The following SERP2 variants were observed in gnomAD, a reference collection of about 807,000 sequenced individuals.
SERP2 encodes stress-associated endoplasmic reticulum protein 2.
In SERP2, 6 loss-of-function variants were observed where a neutral mutation model predicts 9.1. That is an observed-to-expected ratio of 0.66 (90% CI 0.36 to 1.30). SERP2 has a LOEUF of 1.30. Among genes scored for constraint, SERP2 ranks in the 50% most tolerant of loss-of-function variants. The probability of loss-of-function intolerance (pLI) is 0.03; values close to 1 mark genes in which losing one functional copy is unlikely to be tolerated. For missense variants in SERP2, 58 were observed against 81.9 expected, an observed-to-expected ratio of 0.71 and a Z score of 1.13; for synonymous variants, 37 against 27.3, an observed-to-expected ratio of 1.35 and a Z score of -1.10.
Position 44,379,773 on chromosome 13 carries a change from G to A in SERP2, c.157+60G>A, listed in dbSNP as rs577938242. The A allele has an allele frequency of 8.8e-5, 101 of 1,145,816 alleles. No individual in the cohort carries two copies. The South Asian group carries it at 1.1e-3, about 13-fold the overall frequency. The allele number at this position is 1,145,816 out of a possible 1,614,324, so 71.0% of individuals were successfully genotyped here. On this transcript the variant is annotated intron_variant, in intron 2 of 2. Transcript: ENST00000379179. The stretch of plus-strand genomic sequence containing the variant: ...CTCCACTGGCCTTTGAAAAACACAC[G>A]TTTTCTTCACAAAGCAAATAGATGA...
Position 44,374,187 on chromosome 13 carries a change from C to T in SERP2, c.84+78C>T, listed in dbSNP as rs1415320512. ...GGCGGAAGGTGGGGGCGGGGCCGGG[C>T]GGGTAGCGGCGCAGGGTCCGGCCTC... On this transcript the variant is annotated intron_variant, in intron 1 of 2. Coordinates refer to ENST00000379179, the MANE Select transcript of SERP2 (RefSeq NM_001010897.3). 1.6e-5 allele frequency: 8 copies of T among 495,410 alleles called. No homozygotes were observed. The African/African-American group carries it at 1.7e-4, about 11-fold the overall frequency. The allele number at this position is 495,410 out of a possible 1,614,324, so 30.7% of individuals were successfully genotyped here.
intron 1 of SERP2, among the ~76,000 whole-genome samples, chr13:44,377,973 T>C (rs1271784222): frequency 1.3e-5 from 2 of 152,206 alleles, no homozygotes; most frequent in African/African-American, 4.8e-5. Flanking sequence ...ACATTAATTA[T>C]CACAAGAATA....
At chr13:44,383,968 A>G (rs563271935) in intron 2 of SERP2, among the ~76,000 whole-genome samples, 15 of 152,244 alleles carry the variant, frequency 9.9e-5, no homozygotes, top group Non-Finnish European at 2.1e-4. Flanking sequence ...TCTGTCTTCT[A>G]TTAACATGCT....
At chr13:44,390,563 C>T (rs374492727) in intron 2 of SERP2, 1 of 399,404 alleles carries the variant, frequency 2.5e-6, no homozygotes, top group Non-Finnish European at 5.1e-6. Flanking sequence ...TCTCATCAGC[C>T]ATCAGCTCCC....
At chr13:44,394,936 A>C (rs185481697) in intron 2 of SERP2, among the ~76,000 whole-genome samples, 1 of 152,312 alleles carries the variant, frequency 6.6e-6, no homozygotes, top group African/African-American at 2.4e-5. Flanking sequence ...AAAGGCCATG[A>C]TCCTCATTTT....
At chr13:44,385,445 C>T (rs371717205) in intron 2 of SERP2, among the ~76,000 whole-genome samples, 11 of 152,232 alleles carry the variant, frequency 7.2e-5, no homozygotes, top group South Asian at 6.2e-4. Flanking sequence ...CAGATCTGAG[C>T]GCACCCAAGC....
At chr13:44,393,483 T>C (rs1241813867) in intron 2 of SERP2, among the ~76,000 whole-genome samples, 2 of 152,090 alleles carry the variant, frequency 1.3e-5, no homozygotes, top group Non-Finnish European at 2.9e-5. Flanking sequence ...TAGCTCCTGC[T>C]CTCCCCTGGA....
intron 2 of SERP2, among the ~76,000 whole-genome samples, chr13:44,381,415 G>A (rs559520956): frequency 4.6e-5 from 7 of 152,086 alleles, no homozygotes; most frequent in South Asian, 4.2e-4. Context: ...GGTGGCACGC[G>A]CCTGTAGTCC....
chr13:44,386,818 G>A (rs1872344356), intron 2 of SERP2, among the ~76,000 whole-genome samples: 2 of 152,204 alleles, frequency 1.3e-5, no homozygotes, highest in African/African-American at 4.8e-5. Flanking sequence ...ATTTTGTTTT[G>A]CTTGAGTCTG....
chr13:44,374,116 C>A lies in SERP2; in HGVS notation c.84+7C>A. The A allele has an allele frequency of 7.8e-7, 1 of 1,277,100 alleles. No homozygotes were observed. 79.1% of individuals were successfully genotyped at this position (1,277,100 alleles called of 1,614,324 possible). ...GAACGTAGCCAAAACCCTGGTAAGG[C>A]GGGGTCGGCGCCGGCCAGGCAGAGC... is the stretch of plus-strand genomic sequence containing the variant. On this transcript the variant is annotated splice_region_variant and intron_variant, in intron 1 of 2. Coordinates refer to ENST00000379179, the MANE Select transcript of SERP2 (RefSeq NM_001010897.3).
chr13:44,396,439 A>G (rs1873109825), intron 2 of SERP2, among the ~76,000 whole-genome samples: 1 of 152,072 alleles, frequency 6.6e-6, no homozygotes. Flanking sequence ...CCTTCAAAAA[A>G]AAAAAAAAAA....
chr13:44,390,033 T>C (rs1008826881), intron 2 of SERP2, among the ~76,000 whole-genome samples: 1 of 152,252 alleles, frequency 6.6e-6, no homozygotes, highest in African/African-American at 2.4e-5. Context: ...TTTCAGACTC[T>C]AAAACCCATC....
At position 44,383,624 on chromosome 13, in the gene SERP2, G is replaced by A. The variant is rs1161504163; in HGVS notation, c.157+3911G>A. The stretch of plus-strand genomic sequence containing the variant: ...GTGCAGTGGCGCAATCTCGGCCCAC[G>A]GCAACCTCCACCTCCCAGGTTCAAG... On this transcript the variant is annotated intron_variant, in intron 2 of 2. Transcript: ENST00000379179. 4.3e-5 allele frequency among the ~76,000 whole-genome samples: 6 copies of A among 139,384 alleles called. No individual in the cohort carries two copies. In the East Asian group the frequency reaches 1.3e-3, roughly 30 times the overall value. The allele number at this position is 139,384 out of a possible 152,430, so 91.4% of individuals were successfully genotyped here.
intron 1 of SERP2, among the ~76,000 whole-genome samples, chr13:44,379,252 C>G (rs1454816690): frequency 6.6e-6 from 1 of 152,304 alleles, no homozygotes; most frequent in East Asian, 1.9e-4. Context: ...AATAATAATA[C>G]TTGCCAGAAA....
chr13:44,390,319 C>G (rs1260399112), intron 2 of SERP2: 1 of 324,534 alleles, frequency 3.1e-6, no homozygotes, highest in Admixed American at 3.2e-5. Context: ...GCCCTGGACA[C>G]TTGCTCCAGG....
At chr13:44,380,225 T>C (rs928276925) in intron 2 of SERP2, among the ~76,000 whole-genome samples, 1 of 152,186 alleles carries the variant, frequency 6.6e-6, no homozygotes, top group Non-Finnish European at 1.5e-5. Flanking sequence ...GATACACACA[T>C]ACACACAAAT....
At chr13:44,374,177 C>CGGGGGGGGGGGGGGGGTGGGGGGGGG in intron 1 of SERP2, 68 bp downstream of exon 1, 2 of 151,764 alleles carry the variant, frequency 1.3e-5, no homozygotes, top group Non-Finnish European at 1.2e-5. Flanking sequence ...AAGGTGGGGG[C>CGGGGGGGGGGGGGGGGTGGGGGGGGG]GGGGCCGGGC....
At chr13:44,391,952 T>C (rs937995603) in intron 2 of SERP2, among the ~76,000 whole-genome samples, 2 of 151,684 alleles carry the variant, frequency 1.3e-5, no homozygotes, top group African/African-American at 4.8e-5. Flanking sequence ...ATCCCAGCAC[T>C]TTGGGAGGCC....
intron 2 of SERP2, among the ~76,000 whole-genome samples, chr13:44,383,029 A>C (rs1249113879): frequency 6.6e-6 from 1 of 152,156 alleles, no homozygotes; most frequent in Non-Finnish European, 1.5e-5. Context: ...CAGCCAGACA[A>C]AGGGTGTGAG....
Sources: allele counts gnomAD v4.1 joint callset (sites outside exome capture counted in the v4.1 genomes callset), GRCh38; gene constraint gnomAD v4.1.1; transcripts MANE v1.5; gene names NCBI Gene and HGNC (gene_info 2026-07-23, HGNC 2026-07-21).